The following PTPRN2 variants were observed in gnomAD, a reference collection of about 807,000 sequenced individuals.
PTPRN2 encodes the protein protein tyrosine phosphatase receptor type N2.
In PTPRN2, 74 loss-of-function variants were observed where a neutral mutation model predicts 118.8. That is an observed-to-expected ratio of 0.62 (90% CI 0.52 to 0.76). PTPRN2 has a LOEUF of 0.76. Ranked by LOEUF, PTPRN2 falls within the 30% of genes least tolerant of loss-of-function variation. The probability of loss-of-function intolerance (pLI) is 0.00; values close to 1 mark genes in which losing one functional copy is unlikely to be tolerated. For missense variants in PTPRN2, 1,481 were observed against 1,394.4 expected, an observed-to-expected ratio of 1.06 and a Z score of -0.99; for synonymous variants, 641 against 608.0, an observed-to-expected ratio of 1.05 and a Z score of -0.80.
In PTPRN2 at chr7:158,166,862, G is replaced by A. The variant is rs542915169; in HGVS notation, c.910+69C>T. On this transcript the variant is annotated intron_variant, in intron 6 of 22. Coordinates refer to ENST00000389418, the MANE Select transcript of PTPRN2 (RefSeq NM_002847.5). ...CCCACGTGTGGGAAGAGCATGGTGC[G>A]TCTGTCACTGGGAGGGGCTGGACAG... 2,626 of 1,393,558 alleles carry A rather than the reference G, an allele frequency of 1.9e-3. 7 individuals are homozygous for A. Among genetic ancestry groups the A allele is most frequent in the South Asian group, 3.9e-3 (212 of 55,036 alleles). The allele number at this position is 1,393,558 out of a possible 1,614,324, so 86.3% of individuals were successfully genotyped here.
Position 157,964,795 on chromosome 7 carries a change from AC to A in PTPRN2, c.1724-66059del. On this transcript the variant is annotated intron_variant, in intron 11 of 22. Coordinates refer to ENST00000389418, the MANE Select transcript of PTPRN2 (RefSeq NM_002847.5). The surrounding 1 kb of genome is among the most constrained non-coding windows in gnomAD (Gnocchi z 9.0). ...TTGGTGTGAAACCCCACCCCACTCA[AC>A]CCTGGCTGATCCCCATGGCCTGTTC... Among the ~76,000 whole-genome samples the A allele has an allele frequency of 6.6e-6, 1 of 151,754 alleles. No individual in the cohort carries two copies. Among genetic ancestry groups the A allele is most frequent in the East Asian group, 1.9e-4 (1 of 5,182 alleles).
At chr7:158,062,457 C>T (rs972954386) in intron 11 of PTPRN2, among the ~76,000 whole-genome samples, 20 of 152,220 alleles carry the variant, frequency 1.3e-4, no homozygotes, top group South Asian at 4.1e-4. Context: ...TTGGCCTTGG[C>T]GCCCACTCTG....
At chr7:158,578,763 T>TTTGTTGTTG (rs1026891797) in intron 1 of PTPRN2, among the ~76,000 whole-genome samples, 1 of 151,346 alleles carries the variant, frequency 6.6e-6, no homozygotes, top group Non-Finnish European at 1.5e-5. Flanking sequence ...TCTTTTTTTT[T>TTTGTTGTTG]TTGTTGTTGT....
rs1209139062 is a variant in PTPRN2, at chr7:157,618,700, T to C, written c.2344+2662A>G. On this transcript the variant is annotated intron_variant, in intron 15 of 22. Transcript: ENST00000389418. The surrounding 1 kb of genome is among the most constrained non-coding windows in gnomAD (Gnocchi z 4.2). ...CAAGATCTCCTTCCCAAAAGCAAGATGGCCAAGAGTATGGAGAAGAAAGTA... is the reference window on the plus strand; with the variant it reads ...CAAGATCTCCTTCCCAAAAGCAAGACGGCCAAGAGTATGGAGAAGAAAGTA... 6.6e-6 allele frequency: 1 copy of C among 152,224 alleles called. No homozygotes were observed. Among genetic ancestry groups the C allele is most frequent in the Non-Finnish European group, 1.5e-5 (1 of 68,048 alleles). 9.4% of individuals were successfully genotyped at this position (152,224 alleles called of 1,614,324 possible).
intron 12 of PTPRN2, among the ~76,000 whole-genome samples, chr7:157,698,125 A>AACAT (rs1797899609): frequency 6.6e-6 from 1 of 152,270 alleles, no homozygotes; most frequent in East Asian, 1.9e-4. Context: ...TGTTAGATAT[A>AACAT]ACATAAGCAA....
At chr7:158,115,733 A>T (rs1443784093) in intron 9 of PTPRN2, among the ~76,000 whole-genome samples, 2 of 152,136 alleles carry the variant, frequency 1.3e-5, no homozygotes, top group Non-Finnish European at 2.9e-5. Context: ...TATTGCTTCT[A>T]AGCTGCCCCA....
At chr7:157,786,873 G>A (rs562980418) in intron 12 of PTPRN2, among the ~76,000 whole-genome samples, 1 of 152,330 alleles carries the variant, frequency 6.6e-6, no homozygotes, top group African/African-American at 2.4e-5. Context: ...AGAGCTCAGT[G>A]CCCACTGTGG....
intron 2 of PTPRN2, among the ~76,000 whole-genome samples, chr7:158,327,269 AC>A (rs1563143369): frequency 6.6e-6 from 1 of 151,428 alleles, no homozygotes; most frequent in East Asian, 2.0e-4. Context: ...ACATGCACAC[AC>A]GTGCTCACAC....
At position 158,212,488 on chromosome 7, in the gene PTPRN2, C is replaced by A. The variant is rs548151199; in HGVS notation, c.278-7215G>T. On this transcript the variant is annotated intron_variant, in intron 3 of 22. Transcript: ENST00000389418. Reference sequence around the variant, plus strand: ...ATTGTATGCCTGTATCAAAATATCCCATGTACCCCATAAATATATACACCT... The same window carrying A: ...ATTGTATGCCTGTATCAAAATATCCAATGTACCCCATAAATATATACACCT... Among the ~76,000 whole-genome samples the A allele has an allele frequency of 5.3e-5, 8 of 152,192 alleles. No homozygotes were observed. The South Asian group carries it at 1.7e-3, about 32-fold the overall frequency.
At chr7:158,326,103 C>T (rs776735623) in intron 2 of PTPRN2, among the ~76,000 whole-genome samples, 4 of 152,226 alleles carry the variant, frequency 2.6e-5, no homozygotes, top group Admixed American at 6.5e-5. Context: ...CCATACCCGC[C>T]GCAGGTCTTG....
At chr7:158,330,521 T>A (rs370987836) in intron 2 of PTPRN2, among the ~76,000 whole-genome samples, 409 of 86,340 alleles carry the variant, frequency 4.7e-3, no homozygotes, top group African/African-American at 0.016. Flanking sequence ...ACACCCACAC[T>A]CTCACCATAA....
At chr7:158,265,699 C>G (rs891401221) in intron 3 of PTPRN2, among the ~76,000 whole-genome samples, 2 of 152,202 alleles carry the variant, frequency 1.3e-5, no homozygotes, top group Admixed American at 1.3e-4. Context: ...AGCACAGCCC[C>G]GGGTACACAG....
chr7:157,914,567 C>CTTTCCCAA (rs1158656710), intron 11 of PTPRN2, among the ~76,000 whole-genome samples: 1 of 150,948 alleles, frequency 6.6e-6, no homozygotes, highest in Non-Finnish European at 1.5e-5. Context: ...CCGGCAATGG[C>CTTTCCCAA]TTTCCCAATA....
chr7:157,936,964 C>T (rs1316396330), intron 11 of PTPRN2, among the ~76,000 whole-genome samples: 7 of 152,234 alleles, frequency 4.6e-5, no homozygotes, highest in African/African-American at 1.7e-4. Flanking sequence ...AGTATTCTTT[C>T]TGCAATATTC....
At chr7:158,157,036 C>T (rs1821885429) in intron 6 of PTPRN2, among the ~76,000 whole-genome samples, 1 of 151,100 alleles carries the variant, frequency 6.6e-6, no homozygotes, top group African/African-American at 2.4e-5. Context: ...AAAGGCCTAC[C>T]CATTGTGCTT....
chr7:158,324,078 CCCAGA>C (rs1803272473), intron 2 of PTPRN2, among the ~76,000 whole-genome samples: 2 of 151,964 alleles, frequency 1.3e-5, no homozygotes, highest in East Asian at 1.9e-4. Flanking sequence ...CACACACACA[CCCAGA>C]CACACTAACT....
intron 2 of PTPRN2, among the ~76,000 whole-genome samples, chr7:158,454,002 G>A (rs1264143821): frequency 3.1e-5 from 4 of 129,702 alleles, no homozygotes; most frequent in African/African-American, 8.8e-5. Context: ...AAGACACAAC[G>A]CACACAATCA....
intron 1 of PTPRN2, among the ~76,000 whole-genome samples, chr7:158,586,058 T>C (rs1363838535): frequency 6.6e-6 from 1 of 152,144 alleles, no homozygotes; most frequent in Non-Finnish European, 1.5e-5. Flanking sequence ...GGTGAGGGCT[T>C]CACCTGGGCC....
At position 158,127,545 on chromosome 7, in the gene PTPRN2, C is replaced by T. The variant is rs745508412; in HGVS notation, c.1556+6132G>A. Among the ~76,000 whole-genome samples, 4 of 152,198 alleles carry T rather than the reference C, an allele frequency of 2.6e-5. No individual in the cohort carries two copies. In the East Asian group the frequency reaches 7.7e-4, roughly 29 times the overall value. On this transcript the variant is annotated intron_variant, in intron 9 of 22. Coordinates refer to ENST00000389418, the MANE Select transcript of PTPRN2 (RefSeq NM_002847.5). ...CAAGGGCCCAGGCCACCTTCTCCAA[C>T]AGCACTGTGGCCGCCACCCCAGACT...
Sources: allele counts gnomAD v4.1 joint callset (sites outside exome capture counted in the v4.1 genomes callset), GRCh38; gene constraint gnomAD v4.1.1; non-coding constraint Gnocchi (gnomAD v3.1); transcripts MANE v1.5; gene names NCBI Gene and HGNC (gene_info 2026-07-23, HGNC 2026-07-21).